The following LMO7 variants were observed in gnomAD, a reference collection of about 807,000 sequenced individuals.
LMO7 encodes the protein LIM domain only protein 7.
LMO7 carries 120 observed loss-of-function variants against 206.5 expected under a neutral mutation model. The observed-to-expected ratio is 0.58, with a 90% confidence interval of 0.50 to 0.68. The LOEUF is 0.68. Among genes scored for constraint, LMO7 ranks in the 30% least tolerant of loss-of-function variants. The pLI is 0.00. For missense variants in LMO7, 1,959 were observed against 1,957.9 expected, an observed-to-expected ratio of 1.00 and a Z score of -0.01; for synonymous variants, 706 against 681.5, an observed-to-expected ratio of 1.04 and a Z score of -0.56.
At chr13:75,801,129 T>C (rs2054671341) in intron 7 of LMO7, among the ~76,000 whole-genome samples, 1 of 152,062 alleles carries the variant, frequency 6.6e-6, no homozygotes, top group African/African-American at 2.4e-5. Context: ...GCCTGTTTTA[T>C]CAGTGATAAT....
intron 4 of LMO7, among the ~76,000 whole-genome samples, chr13:75,775,728 G>T (rs78158268): frequency 0.012 from 1,888 of 151,968 alleles, 17 homozygotes; most frequent in Middle Eastern, 0.041. Flanking sequence ...GATCATCAGA[G>T]AATGCAAATT....
intron 26 of LMO7, among the ~76,000 whole-genome samples, chr13:75,848,688 T>G (rs2060218122): frequency 6.6e-6 from 1 of 152,218 alleles, no homozygotes; most frequent in Non-Finnish European, 1.5e-5. Context: ...TTCCACATTT[T>G]TGCCTTGCAA....
intron 10 of LMO7, among the ~76,000 whole-genome samples, chr13:75,808,639 T>C (rs1047222611): frequency 1.3e-5 from 2 of 152,202 alleles, no homozygotes; most frequent in Non-Finnish European, 2.9e-5. Context: ...AACTTAATTT[T>C]TGGTTTTGGC....
At chr13:75,795,590 C>T (rs1006923888) in intron 5 of LMO7, among the ~76,000 whole-genome samples, 159 bp downstream of exon 5, 2 of 152,124 alleles carry the variant, frequency 1.3e-5, no homozygotes, top group Admixed American at 1.3e-4. Flanking sequence ...TAAATATATG[C>T]ATTACAATAT....
chr13:75,697,052 G>A (rs374355822), intron 1 of LMO7, among the ~76,000 whole-genome samples: 5 of 152,132 alleles, frequency 3.3e-5, no homozygotes, highest in South Asian at 2.1e-4. Context: ...CTAGCCTGTG[G>A]GCTGTGATAT....
At chr13:75,718,209 A>G (rs2043714572) in intron 2 of LMO7, among the ~76,000 whole-genome samples, 1 of 152,252 alleles carries the variant, frequency 6.6e-6, no homozygotes, top group Admixed American at 6.5e-5. Context: ...AGAGTATGTC[A>G]AGTTGAAAGT....
intron 2 of LMO7, among the ~76,000 whole-genome samples, chr13:75,714,675 A>G (rs117141390): frequency 0.038 from 5,848 of 152,262 alleles, 170 homozygotes; most frequent in Non-Finnish European, 0.055. Context: ...TAGTGTTTCA[A>G]TTAGTTTGAC....
intron 4 of LMO7, among the ~76,000 whole-genome samples, chr13:75,777,132 CA>C (rs1266420763): frequency 3.3e-5 from 5 of 152,178 alleles, no homozygotes; most frequent in Non-Finnish European, 7.3e-5. Flanking sequence ...GCTCAGCTGG[CA>C]ATGGACTTGA....
In LMO7 at chr13:75,804,386, G is replaced by A; in HGVS notation, c.759G>A (p.Lys253=). The A allele has an allele frequency of 6.2e-7, 1 of 1,614,188 alleles. No homozygotes were observed. The highest frequency in any genetic ancestry group is 8.5e-7 in the Non-Finnish European group (1 of 1,180,024). The change falls in exon 8 of 31, where the codon AAG becomes AAA. Residue 253 remains lysine (K), a synonymous_variant. Coordinates refer to ENST00000377534, the MANE Select transcript of LMO7 (RefSeq NM_001306080.2). ...GAAGGATTTCGGCTGTTGAGCCAAA[G>A]ACTGCGTTACCCTTCAATCGTTTTT... ...SYRRISAVEP[K]TALPFNRFLP...
In LMO7 at chr13:75,805,612, T is replaced by A. The variant is rs768410980; in HGVS notation, c.1048T>A (p.Tyr350Asn). 1 of 1,614,066 alleles carries A rather than the reference T, an allele frequency of 6.2e-7. No individual in the cohort carries two copies. Among genetic ancestry groups the A allele is most frequent in the East Asian group, 2.2e-5 (1 of 44,884 alleles). The change falls in exon 9 of 31, where the codon TAT (tyrosine) becomes AAT (asparagine). Residue 350 changes from tyrosine to asparagine, a missense_variant. By Grantham distance (143) the Tyr-to-Asn change is moderately radical (BLOSUM62 -2). Coordinates refer to ENST00000377534, the MANE Select transcript of LMO7 (RefSeq NM_001306080.2). ...SIPNIVKDDL[Y>N]VRKLSPVMPN... ...ACCCAACATTGTAAAGGATGATCTT[T>A]ATGTGCGCAAGCTCAGTCCAGTCAT...
At chr13:75,703,619 C>T (rs1485425038) in intron 1 of LMO7, among the ~76,000 whole-genome samples, 2 of 152,128 alleles carry the variant, frequency 1.3e-5, no homozygotes, top group East Asian at 3.9e-4. Flanking sequence ...ACTCGGGTTC[C>T]TGTTTTATAG....
intron 3 of LMO7, 108 bp downstream of exon 3, chr13:75,727,206 G>T: frequency 1.6e-6 from 1 of 627,926 alleles, no homozygotes; most frequent in Admixed American, 3.0e-5. Context: ...TTAGGTTATG[G>T]TTTTTTTGCT....
In LMO7 at chr13:75,636,682, G is replaced by C; in HGVS notation, c.25G>C (p.Ala9Pro). The C allele has an allele frequency of 1.9e-6, 3 of 1,609,450 alleles. No homozygotes were observed. The highest frequency in any genetic ancestry group is 2.5e-6 in the Non-Finnish European group (3 of 1,178,612). ...CATGGAAGGGCTGGAGGAGGCAGAG[G>C]CCAACTGCTCCGTGGCGTTCGCTGA... MEGLEEAE[A>P]NCSVAFAEAQ... is the part of the protein sequence containing the mutation. The change falls in exon 1 of 31, where the codon GCC becomes CCC. Residue 9 changes from alanine (A) to proline (P), a missense_variant. Physicochemically the swap from Ala to Pro is conservative, Grantham distance 27. Transcript: ENST00000377534.
In LMO7 at chr13:75,621,795, G is replaced by T. The variant is rs200943279; in HGVS notation, c.102G>T (p.Arg34Ser). The stretch of plus-strand genomic sequence containing the variant: ...AGCTCGGAGCTCTGGAAATTTGGAG[G>T]CAACTGATATGTGCTCATGTCTGCA... The change falls in exon 1 of 30, where the codon AGG becomes AGT. Residue 34 changes from arginine to serine, a missense_variant. By Grantham distance (110) the Arg-to-Ser change is moderately radical (BLOSUM62 -1). Transcript: ENST00000341547. 2 of 1,613,320 alleles carry T rather than the reference G, an allele frequency of 1.2e-6. No individual in the cohort carries two copies. Among genetic ancestry groups the T allele is most frequent in the East Asian group, 4.5e-5 (2 of 44,842 alleles).
intron 11 of LMO7, among the ~76,000 whole-genome samples, chr13:75,816,547 A>C (rs1398320320): frequency 6.6e-6 from 1 of 152,252 alleles, no homozygotes; most frequent in African/African-American, 2.4e-5. Context: ...AGTTGAAAGC[A>C]TGCAAGCTGC....
intron 2 of LMO7, chr13:75,628,080 T>A (rs565192612): frequency 6.6e-6 from 1 of 152,332 alleles, no homozygotes; most frequent in Non-Finnish European, 1.5e-5. Context: ...TCTCAGTTGA[T>A]CTCTTAATGA....
chr13:75,645,111 A>T (rs1182095783), intron 1 of LMO7, among the ~76,000 whole-genome samples: 1 of 152,264 alleles, frequency 6.6e-6, no homozygotes, highest in Non-Finnish European at 1.5e-5. Context: ...TCTATAATTT[A>T]TAAAAGTATC....
At chr13:75,843,320 G>A (rs2139303877) in intron 25 of LMO7, among the ~76,000 whole-genome samples, 1 of 152,282 alleles carries the variant, frequency 6.6e-6, no homozygotes, top group African/African-American at 2.4e-5. Flanking sequence ...TGGTGAGGCA[G>A]GGGAAAGAGA....
At chr13:75,832,793 C>T (rs2058783244) in intron 15 of LMO7, among the ~76,000 whole-genome samples, 1 of 152,112 alleles carries the variant, frequency 6.6e-6, no homozygotes, top group Non-Finnish European at 1.5e-5. Context: ...CCACGGCCAA[C>T]TGAATTAAAG....
Sources: allele counts gnomAD v4.1 joint callset (sites outside exome capture counted in the v4.1 genomes callset), GRCh38; gene constraint gnomAD v4.1.1; transcripts MANE v1.5; gene names NCBI Gene and HGNC (gene_info 2026-07-23, HGNC 2026-07-21).